The following CSAD variants were observed in gnomAD, a reference collection of about 807,000 sequenced individuals.
CSAD encodes the protein cysteine sulfinic acid decarboxylase, also known as P-selectin cytoplasmic tail-associated protein.
CSAD carries 47 observed loss-of-function variants against 61.5 expected under a neutral mutation model. The ratio of observed to expected loss-of-function variants is 0.76; its 90% CI spans 0.60 to 0.97. The LOEUF is 0.97. Ranked by LOEUF, CSAD falls within the 50% of genes least tolerant of loss-of-function variation. The pLI is 0.00. For missense variants in CSAD, 611 were observed against 643.6 expected (o/e 0.95, Z 0.55); for synonymous variants, 245 against 252.7 (o/e 0.97, Z 0.29).
At chr12:53,181,190 C>G, upstream of CSAD, 7 of 985,474 alleles carry the variant, frequency 7.1e-6, no homozygotes, top group Non-Finnish European at 8.4e-6. Context: ...CGGGCTTCGC[C>G]TGCCTGTCCT....
At chr12:53,175,575 T>C (rs1054590690) in intron 2 of CSAD, among the ~76,000 whole-genome samples, 5 of 152,222 alleles carry the variant, frequency 3.3e-5, no homozygotes, top group African/African-American at 1.2e-4. Flanking sequence ...CTAAGTCTTT[T>C]CCTTCATTAA....
At chr12:53,178,310 A>G (rs1268938720) in intron 2 of CSAD, 1 of 452,530 alleles carries the variant, frequency 2.2e-6, no homozygotes, top group Non-Finnish European at 4.4e-6. Flanking sequence ...CTGTCTCTAC[A>G]AAAAACAAAA....
chr12:53,178,599 C>T (rs1941286212), intron 2 of CSAD, among the ~76,000 whole-genome samples: 1 of 152,108 alleles, frequency 6.6e-6, no homozygotes, highest in Non-Finnish European at 1.5e-5. Context: ...CAAGACCAGC[C>T]TGACCAACAT....
intron 12 of CSAD, 97 bp downstream of exon 12, chr12:53,161,030 C>T: frequency 7.6e-7 from 1 of 1,315,472 alleles, no homozygotes; most frequent in East Asian, 2.5e-5. Flanking sequence ...CTCCCCTCAG[C>T]CTCCTACCCC....
intron 4 of CSAD, 138 bp from the exon 5 acceptor site, chr12:53,172,786 T>C: frequency 2.0e-6 from 2 of 995,622 alleles, no homozygotes; most frequent in South Asian, 1.7e-5. Context: ...ACTCTGAAAA[T>C]GAACAAGAGT....
At chr12:53,179,293 A>C (rs1941369109) in intron 1 of CSAD, among the ~76,000 whole-genome samples, 151 bp from the exon 2 acceptor site, 1 of 152,228 alleles carries the variant, frequency 6.6e-6, no homozygotes, top group East Asian at 1.9e-4. Context: ...ATGTTAGCTG[A>C]CTCAGATGTC....
At chr12:53,160,354 C>G (rs1939138756) in intron 13 of CSAD, 35 bp from the exon 14 acceptor site, 1 of 1,601,664 alleles carries the variant, frequency 6.2e-7, no homozygotes, top group African/African-American at 1.3e-5. Context: ...AGACCCTACC[C>G]TCTCCACCGA....
At position 53,171,417 on chromosome 12, in the gene CSAD, G is replaced by C. The variant is rs1940563483; in HGVS notation, c.476C>G (p.Ala159Gly). Reference protein sequence around the residue: ...CPGGSISNMYAVNLARYQRYP... With the variant: ...CPGGSISNMYGVNLARYQRYP... ...GCGCTGATAGCGGGCCAGATTTACAGCATACATGTTGGAGATGGAGCCACC... is the reference window on the plus strand; with the variant it reads ...GCGCTGATAGCGGGCCAGATTTACACCATACATGTTGGAGATGGAGCCACC... The change falls in exon 8 of 17, where the codon GCT (alanine) becomes GGT (glycine). Residue 159 changes from alanine to glycine, a missense_variant. Physicochemically the swap from Ala to Gly is moderately conservative, Grantham distance 60. Transcript: ENST00000444623. 2 of 1,613,704 alleles carry C rather than the reference G, an allele frequency of 1.2e-6. No homozygotes were observed. Among genetic ancestry groups the C allele is most frequent in the South Asian group, 1.1e-5 (1 of 91,050 alleles).
In CSAD at chr12:53,172,625, CTCAGGCTCCT is replaced by C; in HGVS notation, c.140_149del (p.Lys47ArgfsTer3). 6.2e-7 allele frequency: 1 copy of C among 1,608,598 alleles called. No individual in the cohort carries two copies. On this transcript the variant is annotated frameshift_variant, in exon 5 of 17. Coordinates refer to ENST00000444623, the MANE Select transcript of CSAD (RefSeq NM_001244705.2). LOFTEE classifies it high-confidence loss of function. ...CCAAATCCAGCAGCTGCTTCAGCTC[CTCAGGCTCCT>C]TCCACTCACAGACCTAGGAAGAGAG...
chr12:53,175,899 T>C (rs992162057), intron 2 of CSAD, among the ~76,000 whole-genome samples: 1 of 152,214 alleles, frequency 6.6e-6, no homozygotes, highest in African/African-American at 2.4e-5. Flanking sequence ...ATGAGGATTC[T>C]TAGCTGAAAG....
At chr12:53,181,160 AG>A (rs1046206051), upstream of CSAD, 6 of 984,578 alleles carry the variant, frequency 6.1e-6, no homozygotes, top group Non-Finnish European at 7.2e-6. Context: ...GGCCGGAGCG[AG>A]GCGGGCGACA....
At chr12:53,165,119 G>A (rs1017372982) in intron 10 of CSAD, among the ~76,000 whole-genome samples, 2 of 152,064 alleles carry the variant, frequency 1.3e-5, no homozygotes, top group Non-Finnish European at 2.9e-5. Flanking sequence ...TAGGAGTTTT[G>A]AGACCAGCCT....
Position 53,180,916 on chromosome 12 carries a change from G to A in CSAD, c.-275C>T. On this transcript the variant is annotated 5_prime_UTR_variant, in exon 1 of 17. Coordinates refer to ENST00000444623, the MANE Select transcript of CSAD (RefSeq NM_001244705.2). ...AGTAGCTCGCAAGCCGTGGGGTGCC[G>A]CGCGGGAAGGGGGAGGGGAGGGGAG... 9.2e-7 allele frequency: 1 copy of A among 1,089,538 alleles called. No individual in the cohort carries two copies. The allele number at this position is 1,089,538 out of a possible 1,614,324, so 67.5% of individuals were successfully genotyped here.
rs1370720607 is a variant in CSAD, at chr12:53,172,658, G to C, written c.127-10C>G. On this transcript the variant is annotated splice_polypyrimidine_tract_variant and intron_variant, in intron 4 of 16. Coordinates refer to ENST00000444623, the MANE Select transcript of CSAD (RefSeq NM_001244705.2). ...CCTTCCACTCACAGACCTAGGAAGA[G>C]AGCCGGGGATGCTGGGGGCCTGGGA... 2 of 1,602,084 alleles carry C rather than the reference G, an allele frequency of 1.2e-6. No individual in the cohort carries two copies. Among genetic ancestry groups the C allele is most frequent in the South Asian group, 1.1e-5 (1 of 89,594 alleles).
chr12:53,180,608 G>A (rs1433811112), intron 1 of CSAD, 124 bp downstream of exon 1: 2 of 1,284,244 alleles, frequency 1.6e-6, no homozygotes, highest in African/African-American at 3.1e-5. Flanking sequence ...CACCCGCTCT[G>A]AGGCTGCCCC....
intron 2 of CSAD, among the ~76,000 whole-genome samples, chr12:53,176,435 A>C (rs1941110797): frequency 6.7e-6 from 1 of 149,042 alleles, no homozygotes; most frequent in African/African-American, 2.5e-5. Context: ...GAATACCAGA[A>C]GGGGCTGGGA....
intron 12 of CSAD, 54 bp downstream of exon 12, chr12:53,161,073 C>A: frequency 6.4e-7 from 1 of 1,559,674 alleles, no homozygotes; most frequent in South Asian, 1.1e-5. Flanking sequence ...CATGATGATT[C>A]TCTGGACCAA....
intron 4 of CSAD, 53 bp downstream of exon 4, chr12:53,173,292 A>G (rs1266194871): frequency 1.3e-6 from 2 of 1,494,860 alleles, no homozygotes; most frequent in African/African-American, 2.8e-5. Flanking sequence ...AAAAGAAAAG[A>G]GAAAAGAAAA....
At position 53,161,221 on chromosome 12, in the gene CSAD, T is replaced by G. The variant is rs781777244; in HGVS notation, c.820-30A>C. The stretch of plus-strand genomic sequence containing the variant: ...GGAGCAGGAGGAACAACGTGGGCCT[T>G]GGCCTTGGCTCAGCCCACCCCACCG... On this transcript the variant is annotated intron_variant, in intron 11 of 16. Coordinates refer to ENST00000444623, the MANE Select transcript of CSAD (RefSeq NM_001244705.2). 12 of 1,613,838 alleles carry G rather than the reference T, an allele frequency of 7.4e-6. No individual in the cohort carries two copies. The East Asian group carries it at 2.7e-4, about 36-fold the overall frequency.
Sources: allele counts gnomAD v4.1 joint callset (sites outside exome capture counted in the v4.1 genomes callset), GRCh38; gene constraint gnomAD v4.1.1; transcripts MANE v1.5; gene names NCBI Gene and HGNC (gene_info 2026-07-23, HGNC 2026-07-21).